Variants in SLC9A9 observed in about 807,000 individuals in gnomAD.
SLC9A9 encodes sodium/hydrogen exchanger 9.
In SLC9A9, 62 loss-of-function variants were observed where a neutral mutation model predicts 77.8. The ratio of observed to expected loss-of-function variants is 0.80; its 90% CI spans 0.65 to 0.98. The LOEUF is 0.98. SLC9A9 is among the 50% of genes least tolerant of loss of function. The pLI is 0.00. For synonymous variants in SLC9A9, 320 were observed against 283.5 expected (o/e 1.13, Z -1.29); for missense variants, 775 against 774.9 (o/e 1.00, Z 0.00).
At chr3:143,520,721 G>T (rs913836600) in intron 9 of SLC9A9, among the ~76,000 whole-genome samples, 1 of 152,084 alleles carries the variant, frequency 6.6e-6, no homozygotes, top group Non-Finnish European at 1.5e-5. Context: ...TATGGATCAG[G>T]GATCTGAACC....
intron 4 of SLC9A9, among the ~76,000 whole-genome samples, chr3:143,769,241 A>G (rs570389918): frequency 6.6e-6 from 1 of 152,328 alleles, no homozygotes. Context: ...TAATAATACA[A>G]AAAGGGTTTC....
At chr3:143,807,375 C>A (rs1484876908) in intron 2 of SLC9A9, among the ~76,000 whole-genome samples, 2 of 152,224 alleles carry the variant, frequency 1.3e-5, no homozygotes, top group African/African-American at 4.8e-5. Flanking sequence ...GCCAGTATAA[C>A]AAAAGAAATG....
chr3:143,510,460 T>C (rs2036098404), intron 9 of SLC9A9, among the ~76,000 whole-genome samples: 1 of 152,242 alleles, frequency 6.6e-6, no homozygotes, highest in African/African-American at 2.4e-5. Context: ...TTTAGATGAC[T>C]TTTCCATTAA....
At chr3:143,550,420 A>G (rs2036861257) in intron 9 of SLC9A9, among the ~76,000 whole-genome samples, 1 of 152,100 alleles carries the variant, frequency 6.6e-6, no homozygotes, top group Admixed American at 6.5e-5. Context: ...GTGATCTCCC[A>G]CTGTGGTCAG....
chr3:143,549,094 A>G (rs1036685254), intron 9 of SLC9A9, among the ~76,000 whole-genome samples: 1 of 152,264 alleles, frequency 6.6e-6, no homozygotes, highest in African/African-American at 2.4e-5. Context: ...TACTGTAACC[A>G]TGTAACATCA....
intron 14 of SLC9A9, among the ~76,000 whole-genome samples, chr3:143,356,232 A>G (rs1219961020): frequency 6.6e-6 from 1 of 152,204 alleles, no homozygotes. Context: ...GGGTCTTGAG[A>G]AAATTGCACT....
At chr3:143,522,690 G>A (rs1462909916) in intron 9 of SLC9A9, among the ~76,000 whole-genome samples, 1 of 152,092 alleles carries the variant, frequency 6.6e-6, no homozygotes, top group Non-Finnish European at 1.5e-5. Flanking sequence ...AAGGTGTCAG[G>A]AAAACAGCCA....
chr3:143,516,493 TG>T (rs1309659529), intron 9 of SLC9A9, among the ~76,000 whole-genome samples: 1 of 152,224 alleles, frequency 6.6e-6, no homozygotes, highest in East Asian at 1.9e-4. Context: ...AGGATATAAA[TG>T]CCTTAATTTC....
chr3:143,765,942 T>C (rs1214921020), intron 4 of SLC9A9, among the ~76,000 whole-genome samples: 2 of 152,148 alleles, frequency 1.3e-5, no homozygotes, highest in Non-Finnish European at 2.9e-5. Context: ...TGAAAACACA[T>C]CTGTCCAGGC....
intron 9 of SLC9A9, among the ~76,000 whole-genome samples, chr3:143,543,865 T>C (rs542732450): frequency 6.6e-6 from 1 of 152,274 alleles, no homozygotes; most frequent in East Asian, 1.9e-4. Context: ...TGCATGATTT[T>C]TCATAGACTA....
At chr3:143,369,654 TA>T (rs775120069) in intron 13 of SLC9A9, among the ~76,000 whole-genome samples, 68 of 151,848 alleles carry the variant, frequency 4.5e-4, no homozygotes, top group African/African-American at 1.5e-3. Context: ...ATTTTAAAAT[TA>T]AAAAAAAATC....
chr3:143,791,239 C>T (rs1278527187), intron 4 of SLC9A9, among the ~76,000 whole-genome samples: 3 of 152,196 alleles, frequency 2.0e-5, no homozygotes, highest in African/African-American at 7.2e-5. Context: ...AAGGTTTCTT[C>T]AACTTTCTTG....
At chr3:143,347,317 G>T (rs1411268059) in intron 14 of SLC9A9, among the ~76,000 whole-genome samples, 1 of 152,240 alleles carries the variant, frequency 6.6e-6, no homozygotes, top group African/African-American at 2.4e-5. Context: ...GATGGCAGTT[G>T]TGGGAAAGAA....
chr3:143,310,639 A>T (rs1383923003), intron 14 of SLC9A9, among the ~76,000 whole-genome samples: 1 of 152,148 alleles, frequency 6.6e-6, no homozygotes, highest in African/African-American at 2.4e-5. Context: ...CTCTACTTGT[A>T]GAACTTTTGA....
intron 4 of SLC9A9, among the ~76,000 whole-genome samples, chr3:143,788,482 G>T (rs1301516623): frequency 1.3e-5 from 2 of 152,068 alleles, no homozygotes; most frequent in Non-Finnish European, 2.9e-5. Flanking sequence ...CCTGAGGTCA[G>T]GAGTTAGAGA....
intron 4 of SLC9A9, among the ~76,000 whole-genome samples, chr3:143,767,402 G>GTGTA (rs1245665813): frequency 6.6e-6 from 1 of 151,810 alleles, no homozygotes; most frequent in Non-Finnish European, 1.5e-5. Context: ...GTGTGTGTGT[G>GTGTA]TGTGTGTGTG....
At chr3:143,396,929 G>C (rs537588017) in intron 12 of SLC9A9, among the ~76,000 whole-genome samples, 22 of 152,250 alleles carry the variant, frequency 1.4e-4, no homozygotes, top group Admixed American at 1.2e-3. Flanking sequence ...ATACATTTTG[G>C]AGTGTATAAG....
chr3:143,566,409 A>T (rs1267914437), intron 8 of SLC9A9, among the ~76,000 whole-genome samples: 1 of 152,166 alleles, frequency 6.6e-6, no homozygotes, highest in East Asian at 1.9e-4. Context: ...TCTTTCAGAC[A>T]TCTTGGTCAA....
intron 5 of SLC9A9, among the ~76,000 whole-genome samples, chr3:143,681,680 G>T (rs1361661912): frequency 1.3e-5 from 2 of 152,198 alleles, no homozygotes; most frequent in African/African-American, 4.8e-5. Context: ...TATTTCCTGG[G>T]TGTGTGCTCT....
Sources: allele counts gnomAD v4.1 joint callset (sites outside exome capture counted in the v4.1 genomes callset), GRCh38; gene constraint gnomAD v4.1.1; transcripts MANE v1.5; gene names NCBI Gene and HGNC (gene_info 2026-07-23, HGNC 2026-07-21).